The following SRGAP1 variants were observed in gnomAD, a reference collection of about 807,000 sequenced individuals.
The protein encoded by SRGAP1 is SLIT-ROBO Rho GTPase activating protein 1.
SRGAP1 carries 43 observed loss-of-function variants against 121.9 expected under a neutral mutation model. The ratio of observed to expected loss-of-function variants is 0.35; its 90% CI spans 0.28 to 0.46. The LOEUF is 0.46. Ranked by LOEUF, SRGAP1 falls within the 20% of genes least tolerant of loss-of-function variation. The pLI is 1.00. For synonymous variants in SRGAP1, 447 were observed against 485.4 expected, an observed-to-expected ratio of 0.92 and a Z score of 1.04; for missense variants, 1,102 against 1,350.9, an observed-to-expected ratio of 0.82 and a Z score of 2.89.
intron 3 of SRGAP1, among the ~76,000 whole-genome samples, chr12:64,009,415 A>T (rs1181595392): frequency 2.0e-5 from 3 of 152,142 alleles, no homozygotes; most frequent in Non-Finnish European, 4.4e-5. Context: ...TGTTTCATCT[A>T]CTTTATTTCC....
rs1416935801 is a variant in SRGAP1, at chr12:63,990,189, A to T, written c.426+117A>T. 5.0e-6 allele frequency: 4 copies of T among 794,180 alleles called. No individual in the cohort carries two copies. The African/African-American group carries it at 7.0e-5, about 14-fold the overall frequency. 49.2% of individuals were successfully genotyped at this position (794,180 alleles called of 1,614,324 possible). A position where few individuals can be genotyped will look rare whatever the true frequency, so the allele number is the denominator to read the frequency against. On this transcript the variant is annotated intron_variant, in intron 3 of 21. Transcript: ENST00000355086. ...TGAATGAATCCTTTAGAGACACAGA[A>T]TAAACAGTTAAAAATTAGATGAATG...
chr12:63,902,736 A>G (rs2029995675), intron 1 of SRGAP1, among the ~76,000 whole-genome samples: 1 of 152,226 alleles, frequency 6.6e-6, no homozygotes, highest in Admixed American at 6.5e-5. Context: ...CCAATTGCTT[A>G]AAATTAGTTT....
chr12:64,071,533 T>TA (rs1445229444), intron 8 of SRGAP1, among the ~76,000 whole-genome samples: 2 of 152,328 alleles, frequency 1.3e-5, no homozygotes, highest in East Asian at 3.9e-4. Context: ...TATAAACCTC[T>TA]AAACAGTGAG....
intron 3 of SRGAP1, among the ~76,000 whole-genome samples, chr12:64,010,373 C>A (rs2034216739): frequency 6.6e-6 from 1 of 152,152 alleles, no homozygotes; most frequent in Non-Finnish European, 1.5e-5. Flanking sequence ...CCTCTTTGTT[C>A]TTCCTCTCCC....
At chr12:64,034,549 C>A (rs538678832) in intron 4 of SRGAP1, among the ~76,000 whole-genome samples, 1 of 152,314 alleles carries the variant, frequency 6.6e-6, no homozygotes, top group South Asian at 2.1e-4. Flanking sequence ...AAAATTATGA[C>A]CTGTTATTGA....
Position 63,910,005 on chromosome 12 carries a change from G to A in SRGAP1, c.67+65122G>A, listed in dbSNP as rs112201939. 9.9e-3 allele frequency among the ~76,000 whole-genome samples: 1,510 copies of A among 152,272 alleles called. 33 individuals carry two copies. Among genetic ancestry groups the A allele is most frequent in the African/African-American group, 0.034 (1,420 of 41,544 alleles). ...ACCACATGTACACAATATCTTCATAGCAACATCTAAATTAGTGTCTGATTA... is the reference window on the plus strand; with the variant it reads ...ACCACATGTACACAATATCTTCATAACAACATCTAAATTAGTGTCTGATTA... On this transcript the variant is annotated intron_variant, in intron 1 of 21. Transcript: ENST00000355086.
intron 8 of SRGAP1, among the ~76,000 whole-genome samples, chr12:64,077,467 TTAA>T (rs1770098400): frequency 6.7e-6 from 1 of 148,900 alleles, no homozygotes; most frequent in Non-Finnish European, 1.5e-5. Context: ...AATTTATATA[TTAA>T]TATTTATATA....
intron 1 of SRGAP1, among the ~76,000 whole-genome samples, chr12:63,946,798 C>T (rs1210866028): frequency 5.9e-5 from 9 of 152,130 alleles, no homozygotes; most frequent in Admixed American, 5.9e-4. Flanking sequence ...CTGCCTTGGC[C>T]TCCCAAAGTT....
intron 10 of SRGAP1, among the ~76,000 whole-genome samples, chr12:64,083,102 G>C (rs2035876501): frequency 6.6e-6 from 1 of 152,152 alleles, no homozygotes; most frequent in Non-Finnish European, 1.5e-5. Context: ...CATGTTAATA[G>C]GCTACATCAA....
intron 1 of SRGAP1, among the ~76,000 whole-genome samples, chr12:63,933,371 C>T (rs2031549584): frequency 6.6e-6 from 1 of 152,038 alleles, no homozygotes; most frequent in Non-Finnish European, 1.5e-5. Flanking sequence ...TACACAGATG[C>T]ATACCTAGGT....
At chr12:63,909,496 A>T (rs1396224616) in intron 1 of SRGAP1, among the ~76,000 whole-genome samples, 1 of 152,192 alleles carries the variant, frequency 6.6e-6, no homozygotes, top group African/African-American at 2.4e-5. Context: ...CCTGTAACAG[A>T]TTCCCAGGGT....
intron 1 of SRGAP1, among the ~76,000 whole-genome samples, chr12:63,972,998 T>G (rs763998325): frequency 4.0e-5 from 6 of 151,758 alleles, no homozygotes; most frequent in African/African-American, 1.2e-4. Flanking sequence ...AATACAAAAA[T>G]TAGCCGGGCA....
chr12:64,091,224 C>T, intron 11 of SRGAP1, 52 bp from the exon 12 acceptor site: 3 of 1,332,872 alleles, frequency 2.3e-6, no homozygotes, highest in South Asian at 1.5e-5. Flanking sequence ...ATAGATGTTT[C>T]ATTTATTGTT....
intron 2 of SRGAP1, among the ~76,000 whole-genome samples, chr12:63,986,187 C>T (rs1353819236): frequency 6.6e-6 from 1 of 151,416 alleles, no homozygotes; most frequent in Admixed American, 6.6e-5. Flanking sequence ...TCTCTCTTCT[C>T]TCTCTTTCTC....
At chr12:63,906,717 C>T (rs1229024201) in intron 1 of SRGAP1, among the ~76,000 whole-genome samples, 6 of 152,096 alleles carry the variant, frequency 3.9e-5, no homozygotes, top group Non-Finnish European at 5.9e-5. Flanking sequence ...AATCATGAAG[C>T]TAAAATGATG....
intron 1 of SRGAP1, among the ~76,000 whole-genome samples, chr12:63,859,998 T>A (rs11837218): frequency 0.074 from 11,336 of 152,228 alleles, 501 homozygotes; most frequent in East Asian, 0.15. Context: ...TGTGTGTAAA[T>A]ATATGGTATT....
At chr12:63,966,285 A>G (rs2032788568) in intron 1 of SRGAP1, among the ~76,000 whole-genome samples, 1 of 152,210 alleles carries the variant, frequency 6.6e-6, no homozygotes, top group African/African-American at 2.4e-5. Flanking sequence ...CATTTTCTGT[A>G]TGAGGCTCTA....
At position 64,152,488 on chromosome 12, in the gene SRGAP1, CACTA is replaced by C. The variant is rs1223167033; in HGVS notation, c.*9822_*9825del. ...CTTTGTATCTTCAAGCCTAATGCAT[CACTA>C]ACTAAATAGCAAATCGGCGGAACTG... On this transcript the variant is annotated 3_prime_UTR_variant, in exon 22 of 22. Transcript: ENST00000355086. 4 of 152,342 alleles carry C rather than the reference CACTA, an allele frequency of 2.6e-5. No individual in the cohort carries two copies. Among genetic ancestry groups the C allele is most frequent in the Admixed American group, 1.3e-4 (2 of 15,304 alleles). The allele number at this position is 152,342 out of a possible 1,614,324, so 9.4% of individuals were successfully genotyped here.
intron 4 of SRGAP1, among the ~76,000 whole-genome samples, chr12:64,019,136 G>T (rs529776157): frequency 5.4e-4 from 83 of 152,312 alleles, no homozygotes; most frequent in African/African-American, 1.9e-3. Context: ...CAGTGGCAAA[G>T]ATGAACTTGA....
Sources: allele counts gnomAD v4.1 joint callset (sites outside exome capture counted in the v4.1 genomes callset), GRCh38; gene constraint gnomAD v4.1.1; transcripts MANE v1.5; gene names NCBI Gene and HGNC (gene_info 2026-07-23, HGNC 2026-07-21).